The following SPATA18 variants were observed in gnomAD, a reference collection of about 807,000 sequenced individuals.
SPATA18 encodes the protein spermatogenesis associated 18.
Under a neutral mutation model 68.1 loss-of-function variants are expected in SPATA18, and 54 were observed. That is an observed-to-expected ratio of 0.79 (90% CI 0.64 to 0.99). The LOEUF (loss-of-function observed/expected upper bound fraction) is 0.99, where lower values mean the gene tolerates loss of function less well. Among genes scored for constraint, SPATA18 ranks in the 50% least tolerant of loss-of-function variants. SPATA18 has a pLI of 0.00. For missense variants in SPATA18, 724 were observed against 681.1 expected (o/e 1.06, Z -0.70); for synonymous variants, 242 against 244.8 (o/e 0.99, Z 0.11).
At position 52,051,721 on chromosome 4, in the gene SPATA18, A is replaced by T; in HGVS notation, c.17A>T (p.Lys6Ile). MAENL[K>I]RLVSNETLRT... is the part of the protein sequence containing the mutation. ...TAGTGAGCGATGGCGGAAAACCTGA[A>T]AAGACTGGTCTCAAACGAAACTTTA... The change falls in exon 1 of 13, where the codon AAA (lysine) becomes ATA (isoleucine). Residue 6 changes from lysine to isoleucine, a missense_variant. Coordinates refer to ENST00000295213, the MANE Select transcript of SPATA18 (RefSeq NM_145263.4). 6.2e-6 allele frequency: 10 copies of T among 1,614,218 alleles called. No individual in the cohort carries two copies. The highest frequency in any genetic ancestry group is 8.5e-6 in the Non-Finnish European group (10 of 1,180,034).
Position 52,070,472 on chromosome 4 carries a change from T to A in SPATA18, c.518+556T>A, listed in dbSNP as rs566719710. On this transcript the variant is annotated intron_variant, in intron 5 of 12. Transcript: ENST00000295213. ...AAGATAAACTTCTAGAAGGGGAAAATAAACATTGATCTTTTAAAGTTATAC... is the reference window on the plus strand; with the variant it reads ...AAGATAAACTTCTAGAAGGGGAAAAAAAACATTGATCTTTTAAAGTTATAC... Among the ~76,000 whole-genome samples, 4 of 143,166 alleles carry A rather than the reference T, an allele frequency of 2.8e-5. No individual in the cohort carries two copies. In the Admixed American group the frequency reaches 3.0e-4, roughly 11 times the overall value. 93.9% of individuals were successfully genotyped at this position (143,166 alleles called of 152,430 possible).
At chr4:52,094,625 CTAGTACT>C (rs1379238234) in intron 12 of SPATA18, 53 bp downstream of exon 12, 2 of 1,551,320 alleles carry the variant, frequency 1.3e-6, no homozygotes, top group African/African-American at 2.7e-5. Context: ...AATACTCCTT[CTAGTACT>C]TAGCACTGAG....
rs758594533 is a variant in SPATA18, at chr4:52,079,855, C to A, written c.1291C>A (p.Gln431Lys). 6.2e-7 allele frequency: 1 copy of A among 1,613,944 alleles called. No homozygotes were observed. Among genetic ancestry groups the A allele is most frequent in the Non-Finnish European group, 8.5e-7 (1 of 1,179,948 alleles). ...GATATGTTGCATTGCCTTTGCAATG[C>A]AGGCCTTAGAACCACCCCTAGATAT... ...QEICCIAFAMQALEPPLDIAY... is the reference protein window; with the variant it reads ...QEICCIAFAMKALEPPLDIAY... Residue 431 changes from glutamine (Q) to lysine (K), a missense_variant, in exon 9 of 13, where the codon CAG becomes AAG. By Grantham distance (53) the Gln-to-Lys change is moderately conservative. Transcript: ENST00000295213.
chr4:52,066,373 ATC>A (rs1739314763), intron 4 of SPATA18, among the ~76,000 whole-genome samples: 2 of 151,992 alleles, frequency 1.3e-5, no homozygotes, highest in Admixed American at 1.3e-4. Flanking sequence ...GATGGTCTCG[ATC>A]TCCTGACCTC....
At chr4:52,091,890 TAC>T (rs954042012) in intron 11 of SPATA18, among the ~76,000 whole-genome samples, 2 of 152,168 alleles carry the variant, frequency 1.3e-5, no homozygotes, top group Non-Finnish European at 2.9e-5. Flanking sequence ...CTGCCTTTTT[TAC>T]AGAGATGCCC....
chr4:52,056,114 A>G (rs1560579742), intron 1 of SPATA18, among the ~76,000 whole-genome samples: 1 of 152,000 alleles, frequency 6.6e-6, no homozygotes. Flanking sequence ...CACTTCTGAC[A>G]TAGCAAAATT....
intron 1 of SPATA18, among the ~76,000 whole-genome samples, chr4:52,054,093 T>TATATCTGC (rs1184226143): frequency 1.6e-4 from 24 of 152,370 alleles, no homozygotes; most frequent in African/African-American, 5.3e-4. Context: ...GGACAGGTTC[T>TATATCTGC]ATATCTGCAT....
At position 52,075,949 on chromosome 4, in the gene SPATA18, C is replaced by G. The variant is rs76722241; in HGVS notation, c.759-830C>G. On this transcript the variant is annotated intron_variant, in intron 6 of 12. Coordinates refer to ENST00000295213, the MANE Select transcript of SPATA18 (RefSeq NM_145263.4). Reference sequence around the variant, plus strand: ...AAGGCAATAGTTGAAGCCTAAAATTCTTGAATGAACTTAGAGGGATCCAGG... The same window carrying G: ...AAGGCAATAGTTGAAGCCTAAAATTGTTGAATGAACTTAGAGGGATCCAGG... Among the ~76,000 whole-genome samples the G allele has an allele frequency of 2.4e-4, 36 of 152,310 alleles. No homozygotes were observed. In the East Asian group the frequency reaches 5.8e-3, roughly 24 times the overall value.
At chr4:52,057,070 T>C (rs1425673421) in intron 1 of SPATA18, among the ~76,000 whole-genome samples, 1 of 152,170 alleles carries the variant, frequency 6.6e-6, no homozygotes, top group Non-Finnish European at 1.5e-5. Context: ...CTATAGCTTG[T>C]TATCCACACA....
intron 4 of SPATA18, among the ~76,000 whole-genome samples, chr4:52,065,118 T>C (rs1216820279): frequency 6.6e-6 from 1 of 151,430 alleles, no homozygotes; most frequent in African/African-American, 2.4e-5. Context: ...TTTTTAATGG[T>C]TTTTTTTCTT....
intron 1 of SPATA18, among the ~76,000 whole-genome samples, chr4:52,056,336 G>A (rs1738340321): frequency 6.6e-6 from 1 of 152,198 alleles, no homozygotes; most frequent in Non-Finnish European, 1.5e-5. Flanking sequence ...GAGGCTGCAG[G>A]AATGGGTCTC....
chr4:52,088,423 G>T (rs1415034811), intron 11 of SPATA18, among the ~76,000 whole-genome samples: 1 of 152,150 alleles, frequency 6.6e-6, no homozygotes, highest in Non-Finnish European at 1.5e-5. Flanking sequence ...GTCATAAATA[G>T]CTCTTATTAT....
rs139016155 is a variant in SPATA18, at chr4:52,064,822, T to A, written c.422+2490T>A. Among the ~76,000 whole-genome samples, 591 of 152,334 alleles carry A rather than the reference T, an allele frequency of 3.9e-3. 4 individuals carry two copies. The highest frequency in any genetic ancestry group is 0.013 in the African/African-American group (558 of 41,580). On this transcript the variant is annotated intron_variant, in intron 4 of 12. Coordinates refer to ENST00000295213, the MANE Select transcript of SPATA18 (RefSeq NM_145263.4). ...GTGGGATTGCTGGATCAAATTGTAGTTCTACTTTTAGTTAAGGAATCTCCA... is the reference window on the plus strand; with the variant it reads ...GTGGGATTGCTGGATCAAATTGTAGATCTACTTTTAGTTAAGGAATCTCCA...
At chr4:52,087,219 C>T (rs1433021141) in intron 11 of SPATA18, among the ~76,000 whole-genome samples, 2 of 152,124 alleles carry the variant, frequency 1.3e-5, no homozygotes. Context: ...CTGTAGGTTG[C>T]CTGTTCATTC....
intron 5 of SPATA18, among the ~76,000 whole-genome samples, chr4:52,070,549 G>C (rs1258297143): frequency 6.7e-6 from 1 of 148,852 alleles, no homozygotes; most frequent in Non-Finnish European, 1.5e-5. Context: ...TAGGGGGAGG[G>C]GGGAGGGATA....
At chr4:52,062,427 G>A (rs1738952176) in intron 4 of SPATA18, 95 bp downstream of exon 4, 2 of 809,914 alleles carry the variant, frequency 2.5e-6, no homozygotes, top group Middle Eastern at 2.4e-4. Context: ...CATGTAAAAT[G>A]TGGGCATTTG....
chr4:52,056,754 A>G (rs1343136706), intron 1 of SPATA18, among the ~76,000 whole-genome samples: 1 of 152,208 alleles, frequency 6.6e-6, no homozygotes, highest in South Asian at 2.1e-4. Context: ...GGTTATACCC[A>G]TCTACCTCCC....
intron 10 of SPATA18, 91 bp from the exon 11 acceptor site, chr4:52,084,824 CT>C: frequency 8.0e-7 from 1 of 1,243,284 alleles, no homozygotes; most frequent in Non-Finnish European, 1.2e-6. Flanking sequence ...ATAAGTAAAA[CT>C]CTTATTCTGT....
intron 11 of SPATA18, among the ~76,000 whole-genome samples, chr4:52,087,181 G>A (rs1401217486): frequency 6.6e-6 from 1 of 152,078 alleles, no homozygotes; most frequent in Non-Finnish European, 1.5e-5. Flanking sequence ...TTTGTCAGAT[G>A]GAGAGACTGC....
Sources: allele counts gnomAD v4.1 joint callset (sites outside exome capture counted in the v4.1 genomes callset), GRCh38; gene constraint gnomAD v4.1.1; transcripts MANE v1.5; gene names NCBI Gene and HGNC (gene_info 2026-07-23, HGNC 2026-07-21).